The following RSU1 variants were observed in gnomAD, a reference collection of about 807,000 sequenced individuals.
RSU1 encodes the protein Ras suppressor protein 1.
RSU1 carries 26 observed loss-of-function variants against 31.1 expected under a neutral mutation model. The observed-to-expected ratio is 0.84, with a 90% CI of 0.61 to 1.16. The LOEUF (loss-of-function observed/expected upper bound fraction) is 1.16, where lower values mean the gene tolerates loss of function less well. RSU1 is among the 50% of genes most tolerant of loss of function. The pLI is 0.00. For missense variants in RSU1, 320 were observed against 339.1 expected, an observed-to-expected ratio of 0.94 and a Z score of 0.44; for synonymous variants, 164 against 136.3, an observed-to-expected ratio of 1.20 and a Z score of -1.41.
At chr10:16,705,478 T>C (rs1290999791) in intron 7 of RSU1, among the ~76,000 whole-genome samples, 2 of 152,180 alleles carry the variant, frequency 1.3e-5, no homozygotes, top group Non-Finnish European at 2.9e-5. Flanking sequence ...ATTTTTGTTT[T>C]TTTTCCCCAT....
In RSU1 at chr10:16,708,332, T is replaced by C. The variant is rs185766219; in HGVS notation, c.599-13177A>G. ...ATATATTTATTATTTATTAAGTGGA[T>C]GTGGAGTATTATAAAGGTCTTCATC... On this transcript the variant is annotated intron_variant, in intron 7 of 8. Transcript: ENST00000345264. Among the ~76,000 whole-genome samples the C allele has an allele frequency of 2.1e-4, 32 of 152,270 alleles. No homozygotes were observed. In the East Asian group the frequency reaches 2.7e-3, roughly 13 times the overall value.
At chr10:16,706,234 T>C (rs1221255349) in intron 7 of RSU1, among the ~76,000 whole-genome samples, 3 of 152,224 alleles carry the variant, frequency 2.0e-5, no homozygotes, top group Non-Finnish European at 4.4e-5. Context: ...CCACCAACAG[T>C]GCTCAAGGGT....
In RSU1 at chr10:16,645,964, GTGTATATA is replaced by G. The variant is rs1834552094; in HGVS notation, c.731+49051_731+49058del. Among the ~76,000 whole-genome samples the G allele has an allele frequency of 6.7e-5, 2 of 29,676 alleles. 1 individual carries two copies. Among genetic ancestry groups the G allele is most frequent in the African/African-American group, 2.9e-4 (2 of 7,000 alleles). 19.5% of individuals were successfully genotyped at this position (29,676 alleles called of 152,430 possible). On this transcript the variant is annotated intron_variant, in intron 8 of 8. Transcript: ENST00000345264. ...TATATATATGTGTATATACATATAT[GTGTATATA>G]TATGTGTATATACATATATGTGTAT...
chr10:16,768,379 C>T (rs1235885678), intron 3 of RSU1, among the ~76,000 whole-genome samples: 1 of 152,210 alleles, frequency 6.6e-6, no homozygotes, highest in Non-Finnish European at 1.5e-5. Context: ...AATTAGGAAG[C>T]TTAGTCATGT....
intron 4 of RSU1, 119 bp from the exon 5 acceptor site, chr10:16,755,108 C>T (rs1837057454): frequency 1.8e-6 from 1 of 541,924 alleles, no homozygotes; most frequent in Admixed American, 2.9e-5. Flanking sequence ...CCTAGAGTCA[C>T]TTTATACTTT....
chr10:16,635,337 C>T (rs1372560620), intron 8 of RSU1, among the ~76,000 whole-genome samples: 5 of 152,140 alleles, frequency 3.3e-5, no homozygotes, highest in Non-Finnish European at 7.3e-5. Context: ...TATTTCATAT[C>T]CTTTCCTCTC....
intron 8 of RSU1, among the ~76,000 whole-genome samples, chr10:16,613,597 T>C (rs1172041537): frequency 2.6e-5 from 4 of 152,214 alleles, no homozygotes; most frequent in African/African-American, 9.6e-5. Context: ...ATCAAGAATC[T>C]GGGCTTGCCA....
At chr10:16,770,957 TAAAAAAAA>T (rs10547207) in intron 3 of RSU1, among the ~76,000 whole-genome samples, 9 of 120,092 alleles carry the variant, frequency 7.5e-5, no homozygotes, top group South Asian at 2.7e-4. Flanking sequence ...TATTGCTATT[TAAAAAAAA>T]AAAAAAAAAA....
chr10:16,781,951 C>T, intron 3 of RSU1, 83 bp downstream of exon 3: 1 of 1,170,480 alleles, frequency 8.5e-7, no homozygotes, highest in Non-Finnish European at 1.3e-6. Context: ...ATTAGTTTCT[C>T]CCAAGGAAAC....
At chr10:16,661,577 C>T (rs567891939) in intron 8 of RSU1, among the ~76,000 whole-genome samples, 10 of 152,288 alleles carry the variant, frequency 6.6e-5, no homozygotes, top group African/African-American at 2.2e-4. Context: ...GAGAAGATGA[C>T]TATGATGACT....
intron 8 of RSU1, among the ~76,000 whole-genome samples, chr10:16,665,603 T>A (rs551990598): frequency 3.6e-4 from 55 of 152,328 alleles, no homozygotes; most frequent in Non-Finnish European, 6.2e-4. Flanking sequence ...TTTTGACACA[T>A]AAATATTAAT....
At chr10:16,630,122 TCTCAAA>T (rs1465835735) in intron 8 of RSU1, among the ~76,000 whole-genome samples, 10 of 152,178 alleles carry the variant, frequency 6.6e-5, no homozygotes. Context: ...CTCAGGCTGG[TCTCAAA>T]CTCCTGGGCT....
intron 3 of RSU1, among the ~76,000 whole-genome samples, chr10:16,771,670 G>A (rs1039292223): frequency 1.4e-4 from 21 of 152,080 alleles, no homozygotes; most frequent in African/African-American, 4.8e-4. Context: ...AAAACACAAG[G>A]TGGACAATAA....
intron 7 of RSU1, among the ~76,000 whole-genome samples, chr10:16,703,016 C>T (rs533361781): frequency 4.6e-5 from 7 of 152,236 alleles, no homozygotes; most frequent in South Asian, 4.1e-4. Context: ...CTAGTGACAG[C>T]GAGTAATCAC....
chr10:16,752,069 G>A (rs1241952369), intron 7 of RSU1, among the ~76,000 whole-genome samples: 8 of 152,082 alleles, frequency 5.3e-5, no homozygotes, highest in Non-Finnish European at 1.2e-4. Context: ...GACCCGCAGA[G>A]GTATCAACAT....
intron 8 of RSU1, among the ~76,000 whole-genome samples, chr10:16,671,706 A>C (rs976506267): frequency 1.3e-5 from 2 of 151,434 alleles, no homozygotes; most frequent in African/African-American, 4.8e-5. Context: ...GCTCACTGCT[A>C]CCTCCACCTC....
chr10:16,806,669 G>A (rs1844580965), intron 2 of RSU1, among the ~76,000 whole-genome samples: 1 of 152,138 alleles, frequency 6.6e-6, no homozygotes, highest in African/African-American at 2.4e-5. Context: ...CTAACAAAGA[G>A]TGCACAACGT....
chr10:16,796,098 C>T (rs1209791014), intron 2 of RSU1, among the ~76,000 whole-genome samples: 2 of 152,188 alleles, frequency 1.3e-5, no homozygotes, highest in African/African-American at 2.4e-5. Flanking sequence ...TTCTAAGTCC[C>T]TCAACAGTCA....
chr10:16,673,421 GAAAC>G (rs1202728308), intron 8 of RSU1, among the ~76,000 whole-genome samples: 1 of 152,144 alleles, frequency 6.6e-6, no homozygotes, highest in Non-Finnish European at 1.5e-5. Context: ...TTAGGAGAAA[GAAAC>G]AAAATACCAA....
Sources: allele counts gnomAD v4.1 joint callset (sites outside exome capture counted in the v4.1 genomes callset), GRCh38; gene constraint gnomAD v4.1.1; transcripts MANE v1.5; gene names NCBI Gene and HGNC (gene_info 2026-07-23, HGNC 2026-07-21).